LNX1: variants seen among roughly 807,000 people sequenced by gnomAD.
The protein encoded by LNX1 is E3 ubiquitin-protein ligase LNX.
A neutral mutation model predicts 68.4 loss-of-function variants in LNX1; 54 were observed. That is an observed-to-expected ratio of 0.79 (90% CI 0.63 to 0.99). LNX1 has a LOEUF of 0.99. LNX1 is among the 50% of genes least tolerant of loss of function. The pLI, the probability that LNX1 is intolerant of heterozygous loss-of-function variation, is 0.00. For synonymous variants in LNX1, 336 were observed against 350.0 expected, an observed-to-expected ratio of 0.96 and a Z score of 0.45; for missense variants, 906 against 926.4, an observed-to-expected ratio of 0.98 and a Z score of 0.29.
In LNX1 at chr4:53,632,947, C is replaced by A. The variant is rs568796330; in HGVS notation, c.-215+19221G>T. Among the ~76,000 whole-genome samples the A allele has an allele frequency of 2.6e-5, 4 of 152,302 alleles. No individual in the cohort carries two copies. In the East Asian group the frequency reaches 7.7e-4, roughly 29 times the overall value. On this transcript the variant is annotated intron_variant, in intron 1 of 2. Transcript: ENST00000507168. Reference sequence around the variant, plus strand: ...AAGATATATCCTATGTACAAGAATCCTTTTGTAGGTTCTACTTCTAGACAA... The same window carrying A: ...AAGATATATCCTATGTACAAGAATCATTTTGTAGGTTCTACTTCTAGACAA...
intron 6 of LNX1, among the ~76,000 whole-genome samples, chr4:53,495,512 T>C (rs1462176865): frequency 1.3e-5 from 2 of 150,322 alleles, no homozygotes; most frequent in Non-Finnish European, 3.0e-5. Flanking sequence ...TAAGACTTAC[T>C]CTGTCCATAG....
chr4:53,598,201 A>G (rs1392925393), intron 2 of LNX1, among the ~76,000 whole-genome samples: 1 of 151,180 alleles, frequency 6.6e-6, no homozygotes. Context: ...CACTCGTGAC[A>G]TACTCTACTT....
chr4:53,638,651 A>G (rs1734568194), intron 1 of LNX1, among the ~76,000 whole-genome samples: 1 of 152,166 alleles, frequency 6.6e-6, no homozygotes, highest in South Asian at 2.1e-4. Flanking sequence ...CCGAAGCATA[A>G]TGCTGAAGTG....
chr4:53,506,162 T>G (rs2109509315), intron 4 of LNX1, among the ~76,000 whole-genome samples: 1 of 152,302 alleles, frequency 6.6e-6, no homozygotes, highest in South Asian at 2.1e-4. Flanking sequence ...GGACCTGATT[T>G]AAAATCTTGG....
intron 1 of LNX1, among the ~76,000 whole-genome samples, chr4:53,631,216 C>T (rs540209010): frequency 5.9e-5 from 9 of 152,176 alleles, no homozygotes; most frequent in South Asian, 2.1e-4. Context: ...AGTGAAGGAT[C>T]GGGAGTGGGG....
chr4:53,501,232 T>G (rs1725452154), intron 4 of LNX1, among the ~76,000 whole-genome samples: 1 of 151,692 alleles, frequency 6.6e-6, no homozygotes, highest in Non-Finnish European at 1.5e-5. Flanking sequence ...TTTGAATGCA[T>G]TTTTTTGTTT....
chr4:53,537,058 A>G (rs6853943), intron 2 of LNX1, among the ~76,000 whole-genome samples: 124,421 of 152,200 alleles, frequency 0.82, 51,165 homozygotes, highest in Admixed American at 0.86. Context: ...CATTAGGTGA[A>G]AAGACTCACC....
At chr4:53,633,837 G>A (rs1314694120) in intron 1 of LNX1, among the ~76,000 whole-genome samples, 7 of 152,102 alleles carry the variant, frequency 4.6e-5, no homozygotes, top group Non-Finnish European at 7.4e-5. Context: ...GTGGGACTTT[G>A]GGGAGATTGC....
intron 1 of LNX1, among the ~76,000 whole-genome samples, chr4:53,626,445 C>T (rs377052699): frequency 6.6e-6 from 1 of 152,144 alleles, no homozygotes; most frequent in South Asian, 2.1e-4. Context: ...GAAATTAGCT[C>T]TCTGCAACCT....
At chr4:53,582,253 G>A (rs1191599272) in intron 1 of LNX1, among the ~76,000 whole-genome samples, 1 of 152,134 alleles carries the variant, frequency 6.6e-6, no homozygotes, top group Non-Finnish European at 1.5e-5. Context: ...CTTCACCCAA[G>A]GTCAGAATTG....
At chr4:53,487,731 A>G (rs774917458) in intron 6 of LNX1, among the ~76,000 whole-genome samples, 19 of 152,208 alleles carry the variant, frequency 1.2e-4, no homozygotes, top group Non-Finnish European at 2.4e-4. Context: ...ACTGATAACT[A>G]TATAAGCTGC....
chr4:53,463,638 C>A (rs1322692151), intron 9 of LNX1, among the ~76,000 whole-genome samples: 1 of 151,324 alleles, frequency 6.6e-6, no homozygotes, highest in Non-Finnish European at 1.5e-5. Context: ...TTAGGCCTAT[C>A]GAAGATTTGG....
chr4:53,624,042 T>C (rs1733985155), intron 1 of LNX1, among the ~76,000 whole-genome samples: 1 of 152,204 alleles, frequency 6.6e-6, no homozygotes. Context: ...CTCCATCCTT[T>C]TGCTTGCCTC....
At chr4:53,516,389 T>C (rs1290288819) in intron 2 of LNX1, among the ~76,000 whole-genome samples, 1 of 152,164 alleles carries the variant, frequency 6.6e-6, no homozygotes, top group African/African-American at 2.4e-5. Context: ...ATGTATGCAC[T>C]TGGTTCATGA....
intron 2 of LNX1, among the ~76,000 whole-genome samples, chr4:53,571,178 C>T (rs2109773047): frequency 6.6e-6 from 1 of 152,074 alleles, no homozygotes; most frequent in African/African-American, 2.4e-5. Context: ...GGCCACCATG[C>T]CCAGCTAATT....
chr4:53,514,367 G>C (rs916879113), intron 2 of LNX1, among the ~76,000 whole-genome samples: 4 of 152,172 alleles, frequency 2.6e-5, no homozygotes, highest in African/African-American at 7.2e-5. Context: ...CCCAAGACTG[G>C]GTAATTTATA....
intron 2 of LNX1, among the ~76,000 whole-genome samples, chr4:53,613,033 G>A (rs1377773681): frequency 6.6e-6 from 1 of 151,100 alleles, no homozygotes; most frequent in African/African-American, 2.4e-5. Context: ...GTATGTGCAT[G>A]TGTATGTCTA....
chr4:53,507,581 T>C (rs1306716197), intron 3 of LNX1, 112 bp from the exon 4 acceptor site: 2 of 1,201,588 alleles, frequency 1.7e-6, no homozygotes, highest in East Asian at 5.1e-5. Flanking sequence ...TACCTCTGGG[T>C]GGTAGGATTG....
intron 2 of LNX1, among the ~76,000 whole-genome samples, chr4:53,543,047 A>G (rs1437898404): frequency 6.6e-5 from 10 of 152,144 alleles, no homozygotes; most frequent in African/African-American, 2.4e-4. Flanking sequence ...TTAAATAGAG[A>G]TGAGGGTCTC....
Sources: allele counts gnomAD v4.1 joint callset (sites outside exome capture counted in the v4.1 genomes callset), GRCh38; gene constraint gnomAD v4.1.1; transcripts MANE v1.5; gene names NCBI Gene and HGNC (gene_info 2026-07-23, HGNC 2026-07-21).